Variants in ZBTB11 observed in about 807,000 individuals in gnomAD.
ZBTB11 encodes zinc finger and BTB domain-containing protein 11.
ZBTB11 carries 68 observed loss-of-function variants against 113.1 expected under a neutral mutation model. The observed-to-expected ratio is 0.60, with a 90% CI of 0.49 to 0.74. ZBTB11 has a LOEUF of 0.74. ZBTB11 is among the 30% of genes least tolerant of loss of function. The pLI is 0.00. For synonymous variants in ZBTB11, 518 were observed against 452.6 expected, an observed-to-expected ratio of 1.14 and a Z score of -1.83; for missense variants, 1,104 against 1,279.4, an observed-to-expected ratio of 0.86 and a Z score of 2.09.
At position 101,665,604 on chromosome 3, in the gene ZBTB11, G is replaced by A; in HGVS notation, c.983C>T (p.Ala328Val). The A allele has an allele frequency of 6.2e-7, 1 of 1,614,232 alleles. No homozygotes were observed. The highest frequency in any genetic ancestry group is 8.5e-7 in the Non-Finnish European group (1 of 1,180,042). Residue 328 changes from alanine to valine, a missense_variant, in exon 4 of 11, where the codon GCA becomes GTA. Around this residue, in one of 5 missense-constraint regions of ZBTB11, gnomAD observed 535 missense variants for 518.6 expected, o/e 1.03. Coordinates refer to ENST00000312938, the MANE Select transcript of ZBTB11 (RefSeq NM_014415.4). ...CTGTACTCGTAAGTCCTGGGTGGATGCAACTGTTTGTACTTCGCCCTTCTT... is the reference window on the plus strand; with the variant it reads ...CTGTACTCGTAAGTCCTGGGTGGATACAACTGTTTGTACTTCGCCCTTCTT... Reference protein sequence around the residue: ...VYKKGEVQTVASTQDLRVQNG... With the variant: ...VYKKGEVQTVVSTQDLRVQNG...
rs1249695986 is a variant in ZBTB11 at position 101,664,830 on chromosome 3, CATTTA to C, written c.1624-121_1624-117del. ...ATTCACATTATCTTATTAATACTGG[CATTTA>C]AAACATTAAGTTGCTACCTTGTACC... On this transcript the variant is annotated intron_variant, in intron 4 of 10. Coordinates refer to ENST00000312938, the MANE Select transcript of ZBTB11 (RefSeq NM_014415.4). The C allele has an allele frequency of 2.2e-5, 32 of 1,454,766 alleles. No individual in the cohort carries two copies. The East Asian group carries it at 7.1e-4, about 32-fold the overall frequency. The allele number at this position is 1,454,766 out of a possible 1,614,324, so 90.1% of individuals were successfully genotyped here. A position where few individuals can be genotyped will look rare whatever the true frequency, so the allele number is the denominator to read the frequency against.
chr3:101,676,062 T>C (rs193011394), intron 1 of ZBTB11, among the ~76,000 whole-genome samples: 2 of 152,342 alleles, frequency 1.3e-5, no homozygotes, highest in South Asian at 2.1e-4. Flanking sequence ...AATAATTGTA[T>C]TATTCCTTAT....
rs9811237 is a variant in ZBTB11, at chr3:101,665,442, C to A, written c.1145G>T (p.Arg382Leu). The change falls in exon 4 of 11, where the codon CGA (arginine) becomes CTA (leucine). Residue 382 changes from arginine to leucine, a missense_variant. Arg to Leu is a moderately radical substitution (Grantham distance 102). This residue lies in a region of ZBTB11 where 535 missense variants were observed against 518.6 expected (regional missense o/e 1.03). Transcript: ENST00000312938. ...PEAEQNGEVG[R>L]QPEPQVSSEA... ...TGAAGAAACCTGGGGCTCAGGCTGT[C>A]GTCCTACCTCTCCATTCTGCTCAGC... The A allele has an allele frequency of 1.9e-6, 3 of 1,614,008 alleles. No individual in the cohort carries two copies. The highest frequency in any genetic ancestry group is 3.3e-5 in the Admixed American group (2 of 59,998).
rs1436785788 is a variant in ZBTB11 at position 101,650,824 on chromosome 3, T to A, written c.*342A>T. 1.2e-5 allele frequency: 2 copies of A among 165,940 alleles called. No individual in the cohort carries two copies. The highest frequency in any genetic ancestry group is 4.7e-5 in the African/African-American group (2 of 42,152). The allele number at this position is 165,940 out of a possible 1,614,324, so 10.3% of individuals were successfully genotyped here. Reference sequence around the variant, plus strand: ...AAATGCAAAATGTATAATAAAGTAATGTCAAAATGCAAATGAAACTGTACG... The same window carrying A: ...AAATGCAAAATGTATAATAAAGTAAAGTCAAAATGCAAATGAAACTGTACG... On this transcript the variant is annotated 3_prime_UTR_variant, in exon 11 of 11. Transcript: ENST00000312938.
At chr3:101,671,841 C>A in intron 2 of ZBTB11, 137 bp downstream of exon 2, 1 of 680,920 alleles carries the variant, frequency 1.5e-6, no homozygotes, top group Non-Finnish European at 2.6e-6. Flanking sequence ...GGCAGTTCAG[C>A]TTATATAACA....
rs555039724 is a variant in ZBTB11, at chr3:101,674,568, G to A, written c.310+2037C>T. 2.2e-4 allele frequency among the ~76,000 whole-genome samples: 33 copies of A among 151,378 alleles called. No homozygotes were observed. The East Asian group carries it at 3.4e-3, about 15-fold the overall frequency. Reference sequence around the variant, plus strand: ...GCTACTAAAAATAGAAAAATTAGCTGGGCGTGGTGTAATCCCAGCTACTCT... The same window carrying A: ...GCTACTAAAAATAGAAAAATTAGCTAGGCGTGGTGTAATCCCAGCTACTCT... On this transcript the variant is annotated intron_variant, in intron 1 of 10. Coordinates refer to ENST00000312938, the MANE Select transcript of ZBTB11 (RefSeq NM_014415.4).
At chr3:101,668,449 G>A (rs1280225205) in intron 3 of ZBTB11, among the ~76,000 whole-genome samples, 1 of 152,064 alleles carries the variant, frequency 6.6e-6, no homozygotes, top group Non-Finnish European at 1.5e-5. Context: ...GCAACAAAGT[G>A]AGACTCCATC....
At chr3:101,667,782 C>A (rs1284434702) in intron 3 of ZBTB11, among the ~76,000 whole-genome samples, 1 of 152,010 alleles carries the variant, frequency 6.6e-6, no homozygotes, top group Non-Finnish European at 1.5e-5. Context: ...TAAATTAGTA[C>A]ACCAGGATGA....
chr3:101,654,869 CT>C, intron 7 of ZBTB11, 48 bp from the exon 8 acceptor site: 1 of 1,507,170 alleles, frequency 6.6e-7, no homozygotes, highest in Non-Finnish European at 9.1e-7. Context: ...AATCAGTCCT[CT>C]TTTAACAGAA....
At position 101,676,938 on chromosome 3, in the gene ZBTB11, C is replaced by T. The variant is rs767337448; in HGVS notation, c.-24G>A. The T allele has an allele frequency of 6.5e-7, 1 of 1,542,752 alleles. No individual in the cohort carries two copies. The highest frequency in any genetic ancestry group is 1.2e-5 in the South Asian group (1 of 81,678). On this transcript the variant is annotated 5_prime_UTR_variant, in exon 1 of 11. Transcript: ENST00000312938. ...ATCGCGGACCGCGGCTCCCTGAGGG[C>T]GCCTGTCAGGGACAGGTGAGGAAAA...
chr3:101,652,186 C>T (rs567737667), intron 10 of ZBTB11, among the ~76,000 whole-genome samples: 3 of 152,106 alleles, frequency 2.0e-5, no homozygotes, highest in South Asian at 2.1e-4. Flanking sequence ...GATCTTCCTG[C>T]GGACAGATGT....
intron 6 of ZBTB11, among the ~76,000 whole-genome samples, chr3:101,659,475 C>G (rs1936851077): frequency 6.6e-6 from 1 of 152,124 alleles, no homozygotes; most frequent in Non-Finnish European, 1.5e-5. Flanking sequence ...CCTTTCTAGT[C>G]CTGGTTGGTC....
At chr3:101,652,732 A>G in intron 9 of ZBTB11, 48 bp downstream of exon 9, 3 of 1,609,404 alleles carry the variant, frequency 1.9e-6, no homozygotes, top group Non-Finnish European at 2.5e-6. Context: ...TAACAATCAG[A>G]GTACACACGT....
chr3:101,664,470 C>G, intron 5 of ZBTB11, 68 bp downstream of exon 5: 1 of 1,431,222 alleles, frequency 7.0e-7, no homozygotes, highest in East Asian at 2.4e-5. Flanking sequence ...AAAAGATAAC[C>G]ATGCAGTAAG....
chr3:101,652,917 T>C lies in ZBTB11; in HGVS notation c.2331A>G (p.Glu777=), dbSNP rs77070153. ...TCATGTGCTGGCGAAGATCTCTAGC[T>C]TCAAAGAAACTTTTTTCACATCTGC... ...HCTQCEKSFF[E]ARDLRQHMNK... Residue 777 remains glutamate (E), a synonymous_variant, in exon 9 of 11, where the codon GAA becomes GAG. Transcript: ENST00000312938. 1,671 of 1,612,056 alleles carry C rather than the reference T, an allele frequency of 1.0e-3. 20 individuals are homozygous for C. In the African/African-American group the frequency reaches 0.02, roughly 19 times the overall value.
At chr3:101,671,778 A>G in intron 2 of ZBTB11, 200 bp downstream of exon 2, 1 of 606,460 alleles carries the variant, frequency 1.6e-6, no homozygotes, top group Non-Finnish European at 2.9e-6. Context: ...ACCAACAGGT[A>G]ATTATTAAGT....
Position 101,666,803 on chromosome 3 carries a change from G to A in ZBTB11, c.779-995C>T, listed in dbSNP as rs767882201. The stretch of plus-strand genomic sequence containing the variant: ...TCTTGCTCTGTGGCCAGGCTAGAGT[G>A]CAGTGGTGAAATCTTGGCTCACTGC... On this transcript the variant is annotated intron_variant, in intron 3 of 10. Coordinates refer to ENST00000312938, the MANE Select transcript of ZBTB11 (RefSeq NM_014415.4). 6.6e-5 allele frequency among the ~76,000 whole-genome samples: 10 copies of A among 152,094 alleles called. No homozygotes were observed. In the East Asian group the frequency reaches 1.9e-3, roughly 29 times the overall value.
chr3:101,675,182 T>G (rs1459378842), intron 1 of ZBTB11, among the ~76,000 whole-genome samples: 9 of 152,282 alleles, frequency 5.9e-5, no homozygotes, highest in Admixed American at 5.9e-4. Context: ...ACAATTATCA[T>G]CTTTAACAAA....
Position 101,665,594 on chromosome 3 carries a change from C to T in ZBTB11, c.993G>A (p.Gln331=). Residue 331 remains glutamine, a synonymous_variant, in exon 4 of 11, where the codon CAG becomes CAA. Transcript: ENST00000312938. ...KGEVQTVAST[Q]DLRVQNGGTA... Reference sequence around the variant, plus strand: ...TACCTCCATTCTGTACTCGTAAGTCCTGGGTGGATGCAACTGTTTGTACTT... The same window carrying T: ...TACCTCCATTCTGTACTCGTAAGTCTTGGGTGGATGCAACTGTTTGTACTT... The T allele has an allele frequency of 6.2e-7, 1 of 1,614,200 alleles. No individual in the cohort carries two copies. Among genetic ancestry groups the T allele is most frequent in the South Asian group, 1.1e-5 (1 of 91,086 alleles).
Sources: gnomAD v4.1 joint callset for allele counts (sites outside exome capture counted in the v4.1 genomes callset) on GRCh38, gnomAD v4.1.1 for gene constraint, gnomAD v4.1.1 regional missense constraint, MANE v1.5 for transcripts, NCBI Gene and HGNC (gene_info 2026-07-23, HGNC 2026-07-21) for gene names.